Variants in ACTR3C observed in about 807,000 individuals in gnomAD.
The protein encoded by ACTR3C is actin related protein 3C, also known as actin-related protein 3C.
ACTR3C carries 18 observed loss-of-function variants against 26.3 expected under a neutral mutation model. The observed-to-expected ratio is 0.68, with a 90% confidence interval of 0.47 to 1.01. The LOEUF (loss-of-function observed/expected upper bound fraction) is 1.01. ACTR3C is among the 50% of genes least tolerant of loss of function. ACTR3C has a pLI of 0.00. For synonymous variants in ACTR3C, 55 were observed against 94.5 expected (o/e 0.58, Z 2.42); for missense variants, 184 against 250.7 (o/e 0.73, Z 1.80).
At chr7:150,101,964 G>A in the ACTR3C span, among the ~76,000 whole-genome samples, 1 of 151,692 alleles carries the variant, frequency 6.6e-6, no homozygotes, top group African/African-American at 2.4e-5. Context: ...GGAGGATAAA[G>A]GGCAGTGGGT....
At chr7:150,314,499 G>A (rs1401926684) in intron 1 of ACTR3C, among the ~76,000 whole-genome samples, 1 of 152,116 alleles carries the variant, frequency 6.6e-6, no homozygotes, top group African/African-American at 2.4e-5. Context: ...GGAGCTTTGT[G>A]TATGTCACTA....
chr7:149,991,287 T>C, the ACTR3C span, among the ~76,000 whole-genome samples: 1 of 152,202 alleles, frequency 6.6e-6, no homozygotes, highest in Non-Finnish European at 1.5e-5. Context: ...TTGGGAATTA[T>C]GGGAGCTACA....
At chr7:149,957,305 T>A in the ACTR3C span, among the ~76,000 whole-genome samples, 1 of 152,218 alleles carries the variant, frequency 6.6e-6, no homozygotes, top group Non-Finnish European at 1.5e-5. Flanking sequence ...CCCACTGCGA[T>A]GGCTAATTTC....
At chr7:149,905,760 A>G in the ACTR3C span, among the ~76,000 whole-genome samples, 1 of 152,072 alleles carries the variant, frequency 6.6e-6, no homozygotes, top group Non-Finnish European at 1.5e-5. Context: ...CATTCATTAG[A>G]CTGACCAAAA....
At chr7:149,896,915 G>A in the ACTR3C span, among the ~76,000 whole-genome samples, 1 of 151,830 alleles carries the variant, frequency 6.6e-6, no homozygotes, top group Non-Finnish European at 1.5e-5. Context: ...ACAAAAATTA[G>A]CCAGGCATGG....
chr7:149,977,724 A>G, the ACTR3C span, among the ~76,000 whole-genome samples: 3 of 152,316 alleles, frequency 2.0e-5, no homozygotes, highest in South Asian at 4.1e-4. Flanking sequence ...CAAGTTGATT[A>G]TAGCCCAATC....
chr7:150,019,964 C>T, the ACTR3C span, among the ~76,000 whole-genome samples: 15 of 152,182 alleles, frequency 9.9e-5, no homozygotes, highest in South Asian at 1.5e-3. Context: ...CAGAGGTGGA[C>T]GCTGGCTTCT....
chr7:149,940,725 T>C, the ACTR3C span, among the ~76,000 whole-genome samples: 4 of 136,174 alleles, frequency 2.9e-5, no homozygotes, highest in African/African-American at 1.0e-4. Flanking sequence ...TCTCCTAGGA[T>C]TGGTGCCTAT....
the ACTR3C span, among the ~76,000 whole-genome samples, chr7:150,039,105 G>T: frequency 6.7e-6 from 1 of 150,072 alleles, no homozygotes; most frequent in African/African-American, 2.5e-5. Flanking sequence ...AGTCCTCCAG[G>T]TGGGTCCTAA....
the ACTR3C span, among the ~76,000 whole-genome samples, chr7:150,167,423 T>A: frequency 6.6e-6 from 1 of 150,946 alleles, no homozygotes; most frequent in African/African-American, 2.5e-5. Flanking sequence ...AAAATTGTAT[T>A]AATAATTCTT....
chr7:150,219,983 C>T, the ACTR3C span, among the ~76,000 whole-genome samples: 1 of 146,672 alleles, frequency 6.8e-6, no homozygotes, highest in Non-Finnish European at 1.5e-5. Context: ...GTAGGATCTC[C>T]AGCCCCAGGG....
chr7:149,889,918 A>G, the ACTR3C span, among the ~76,000 whole-genome samples: 2 of 152,238 alleles, frequency 1.3e-5, no homozygotes, highest in African/African-American at 4.8e-5. Context: ...ATGTACAGAG[A>G]AAACAGAGTG....
chr7:150,086,618 C>G, the ACTR3C span, among the ~76,000 whole-genome samples: 1 of 152,144 alleles, frequency 6.6e-6, no homozygotes, highest in African/African-American at 2.4e-5. Context: ...TAAGGAAAAG[C>G]TGCACTAGCC....
chr7:149,909,287 T>A, the ACTR3C span, among the ~76,000 whole-genome samples: 1 of 147,336 alleles, frequency 6.8e-6, no homozygotes, highest in Non-Finnish European at 1.5e-5. Context: ...AAAGAATCTT[T>A]CAATAGAGTG....
the ACTR3C span, chr7:149,890,637 T>C: frequency 6.5e-6 from 1 of 152,794 alleles, no homozygotes; most frequent in Non-Finnish European, 1.5e-5. Flanking sequence ...CTACTTACCC[T>C]CCTCCAGGGT....
At chr7:150,036,317 G>C in the ACTR3C span, among the ~76,000 whole-genome samples, 374 of 139,864 alleles carry the variant, frequency 2.7e-3, no homozygotes, top group Non-Finnish European at 4.3e-3. Flanking sequence ...CCCTCAAATA[G>C]GGGGGCCATC....
At chr7:150,042,112 C>CA in the ACTR3C span, among the ~76,000 whole-genome samples, 4 of 85,446 alleles carry the variant, frequency 4.7e-5, no homozygotes, top group African/African-American at 1.3e-4. Flanking sequence ...GTGCCTCCCC[C>CA]CTCTGCGATG....
chr7:150,034,005 C>A, the ACTR3C span, among the ~76,000 whole-genome samples: 1 of 151,268 alleles, frequency 6.6e-6, no homozygotes, highest in Admixed American at 6.6e-5. Flanking sequence ...GATTGCCTGC[C>A]CCCCTGCGAT....
At chr7:149,883,819 C>T in the ACTR3C span, among the ~76,000 whole-genome samples, 3 of 152,210 alleles carry the variant, frequency 2.0e-5, no homozygotes, top group African/African-American at 7.2e-5. Flanking sequence ...AGGTGCCAGG[C>T]ACTGCTTCGG....
Sources: gnomAD v4.1 joint callset for allele counts (sites outside exome capture counted in the v4.1 genomes callset) on GRCh38, gnomAD v4.1.1 for gene constraint, MANE v1.5 for transcripts, NCBI Gene and HGNC (gene_info 2026-07-23, HGNC 2026-07-21) for gene names.